The following AIG1 variants were observed in gnomAD, a reference collection of about 807,000 sequenced individuals.
AIG1 encodes the protein androgen-induced gene 1 protein.
Under a neutral mutation model 31.4 loss-of-function variants are expected in AIG1, and 23 were observed. The ratio of observed to expected loss-of-function variants is 0.73; its 90% CI spans 0.53 to 1.04. The LOEUF (loss-of-function observed/expected upper bound fraction) is 1.04. Among genes scored for constraint, AIG1 ranks in the 50% least tolerant of loss-of-function variants. AIG1 has a pLI of 0.00. For synonymous variants in AIG1, 100 were observed against 110.5 expected, an observed-to-expected ratio of 0.90 and a Z score of 0.60; for missense variants, 274 against 295.0, an observed-to-expected ratio of 0.93 and a Z score of 0.52.
At chr6:143,174,532 T>C (rs1787954030) in intron 3 of AIG1, among the ~76,000 whole-genome samples, 1 of 151,984 alleles carries the variant, frequency 6.6e-6, no homozygotes, top group Admixed American at 6.6e-5. Context: ...TGCTCACTTT[T>C]AGTGTCCATT....
chr6:143,202,148 T>A (rs1382925952), intron 3 of AIG1, among the ~76,000 whole-genome samples: 1 of 152,206 alleles, frequency 6.6e-6, no homozygotes, highest in Non-Finnish European at 1.5e-5. Flanking sequence ...TTCTTCTTCC[T>A]CTCATTCCTA....
chr6:143,077,904 T>A (rs1487138477), intron 1 of AIG1, among the ~76,000 whole-genome samples: 1 of 152,262 alleles, frequency 6.6e-6, no homozygotes, highest in Non-Finnish European at 1.5e-5. Context: ...ACTATTCTTA[T>A]ATGTCTCTAT....
chr6:143,247,812 G>A (rs1383371358), intron 3 of AIG1, among the ~76,000 whole-genome samples: 2 of 152,138 alleles, frequency 1.3e-5, no homozygotes, highest in African/African-American at 4.8e-5. Flanking sequence ...CCTAAAAATA[G>A]GTTCATTGAC....
chr6:143,165,516 G>A (rs1481507682), intron 3 of AIG1, among the ~76,000 whole-genome samples: 3 of 134,792 alleles, frequency 2.2e-5, no homozygotes, highest in Non-Finnish European at 4.6e-5. Context: ...AGAGCCCAAG[G>A]ATGGATTCCC....
At chr6:143,138,773 G>C (rs1180324759) in intron 2 of AIG1, among the ~76,000 whole-genome samples, 2 of 151,582 alleles carry the variant, frequency 1.3e-5, no homozygotes, top group African/African-American at 4.8e-5. Flanking sequence ...GGCTCCTTTA[G>C]TCCCAGCTAC....
intron 1 of AIG1, among the ~76,000 whole-genome samples, chr6:143,067,204 GATA>G (rs1215539485): frequency 1.3e-5 from 2 of 152,080 alleles, no homozygotes; most frequent in Non-Finnish European, 2.9e-5. Context: ...TAGCATAGTA[GATA>G]ATGTCTTTGA....
intron 3 of AIG1, among the ~76,000 whole-genome samples, chr6:143,272,710 C>G (rs185230325): frequency 1.3e-5 from 2 of 152,302 alleles, no homozygotes; most frequent in East Asian, 3.9e-4. Context: ...AGTTTGAGGT[C>G]TTTTAATGGA....
chr6:143,222,734 G>T (rs188559995), intron 3 of AIG1, among the ~76,000 whole-genome samples: 7 of 152,136 alleles, frequency 4.6e-5, no homozygotes, highest in South Asian at 2.1e-4. Context: ...GAGAGTTGGT[G>T]TGGAAAAATA....
chr6:143,185,516 T>G (rs939131268), intron 3 of AIG1, among the ~76,000 whole-genome samples: 2 of 152,248 alleles, frequency 1.3e-5, no homozygotes, highest in Admixed American at 6.5e-5. Context: ...AGTGTGCTCA[T>G]GCATGCATCA....
intron 1 of AIG1, among the ~76,000 whole-genome samples, chr6:143,091,545 GA>G (rs1381081131): frequency 1.3e-5 from 2 of 152,094 alleles, no homozygotes; most frequent in African/African-American, 2.4e-5. Flanking sequence ...ACAACGAAGA[GA>G]AAAAAAGCTG....
chr6:143,309,389 T>C (rs1775081632), intron 4 of AIG1, among the ~76,000 whole-genome samples: 1 of 152,098 alleles, frequency 6.6e-6, no homozygotes, highest in Admixed American at 6.5e-5. Flanking sequence ...CATATGATTT[T>C]TCTTTTTAAG....
rs1334583446 is a variant in AIG1 at position 143,280,185 on chromosome 6, T to C, written c.400-3925T>C. 6.6e-6 allele frequency among the ~76,000 whole-genome samples: 1 copy of C among 152,220 alleles called. No individual in the cohort carries two copies. The highest frequency in any genetic ancestry group is 2.4e-5 in the African/African-American group (1 of 41,456). The stretch of plus-strand genomic sequence containing the variant: ...CAGCTCGCTTCCAGCCATCTGTAAC[T>C]GTCATCATACCACTAGAAAGCTCTG... On this transcript the variant is annotated intron_variant, in intron 3 of 5. Transcript: ENST00000357847. This position sits in a 1 kb window ranked among gnomAD's most constrained non-coding sequence, Gnocchi z 4.1.
At chr6:143,295,132 A>T (rs1165254074) in intron 4 of AIG1, among the ~76,000 whole-genome samples, 1 of 152,118 alleles carries the variant, frequency 6.6e-6, no homozygotes, top group African/African-American at 2.4e-5. Flanking sequence ...GAAATCTATG[A>T]GACATCCTCA....
intron 1 of AIG1, among the ~76,000 whole-genome samples, chr6:143,098,713 A>T (rs1780003831): frequency 6.6e-6 from 1 of 152,134 alleles, no homozygotes; most frequent in Non-Finnish European, 1.5e-5. Context: ...CTACTCCCTT[A>T]TTCTCTATCT....
intron 3 of AIG1, among the ~76,000 whole-genome samples, chr6:143,230,066 G>A (rs1436486912): frequency 1.3e-5 from 2 of 152,096 alleles, no homozygotes; most frequent in African/African-American, 4.8e-5. Context: ...CGTGGAGATT[G>A]GCTTCTATAA....
intron 3 of AIG1, among the ~76,000 whole-genome samples, chr6:143,253,751 C>T (rs1055955820): frequency 2.0e-5 from 3 of 152,034 alleles, no homozygotes; most frequent in Non-Finnish European, 2.9e-5. Flanking sequence ...CATTTCAAAC[C>T]GTCTTCAAAT....
At chr6:143,215,456 C>T (rs980459634) in intron 3 of AIG1, among the ~76,000 whole-genome samples, 1 of 152,150 alleles carries the variant, frequency 6.6e-6, no homozygotes, top group Non-Finnish European at 1.5e-5. Flanking sequence ...TTTTCCAGTG[C>T]ACCTTGCAGA....
intron 2 of AIG1, among the ~76,000 whole-genome samples, chr6:143,139,520 AT>A (rs11402192): frequency 6.0e-4 from 89 of 148,448 alleles, no homozygotes; most frequent in South Asian, 5.6e-3. Flanking sequence ...TTTTTAACTC[AT>A]TTTTTTTTTG....
intron 1 of AIG1, among the ~76,000 whole-genome samples, chr6:143,110,497 T>C (rs1175260328): frequency 6.6e-6 from 1 of 152,242 alleles, no homozygotes; most frequent in Non-Finnish European, 1.5e-5. Context: ...TTTTGGGTTT[T>C]CTTTGTGGAG....
Sources: gnomAD v4.1 joint callset for allele counts (sites outside exome capture counted in the v4.1 genomes callset) on GRCh38, gnomAD v4.1.1 for gene constraint, Gnocchi (gnomAD v3.1) non-coding constraint, MANE v1.5 for transcripts, NCBI Gene and HGNC (gene_info 2026-07-23, HGNC 2026-07-21) for gene names.